FTO: variants seen among roughly 807,000 people sequenced by gnomAD.
The protein encoded by FTO is FTO alpha-ketoglutarate dependent dioxygenase.
A neutral mutation model predicts 63.9 loss-of-function variants in FTO; 47 were observed. The ratio of observed to expected loss-of-function variants is 0.74; its 90% CI spans 0.58 to 0.94. The LOEUF (loss-of-function observed/expected upper bound fraction) is 0.94. Among genes scored for constraint, FTO ranks in the 40% least tolerant of loss-of-function variants. The pLI, the probability that FTO is intolerant of heterozygous loss-of-function variation, is 0.00. For missense variants in FTO, 562 were observed against 618.1 expected (o/e 0.91, Z 0.96); for synonymous variants, 207 against 224.4 (o/e 0.92, Z 0.69).
intron 1 of FTO, among the ~76,000 whole-genome samples, chr16:53,787,145 A>C (rs1214561278): frequency 6.8e-6 from 1 of 147,982 alleles, no homozygotes; most frequent in African/African-American, 2.5e-5. Flanking sequence ...AAAAAAAAGA[A>C]AAAGAAACAC....
At chr16:54,061,505 A>C (rs1288454724) in intron 8 of FTO, among the ~76,000 whole-genome samples, 5 of 151,358 alleles carry the variant, frequency 3.3e-5, no homozygotes, top group Non-Finnish European at 4.4e-5. Flanking sequence ...TTCCAGTGTC[A>C]GAAATCAGAT....
intron 8 of FTO, among the ~76,000 whole-genome samples, chr16:53,999,084 G>A (rs1469847783): frequency 1.3e-5 from 2 of 152,198 alleles, no homozygotes; most frequent in Non-Finnish European, 2.9e-5. Flanking sequence ...AGGTCTGACA[G>A]CATGAATTAG....
intron 8 of FTO, among the ~76,000 whole-genome samples, chr16:53,982,094 AAC>A (rs2083559920): frequency 6.6e-6 from 1 of 151,972 alleles, no homozygotes; most frequent in South Asian, 2.1e-4. Context: ...AAAAACAAAA[AAC>A]AAGACATTCT....
chr16:53,914,206 A>G (rs2081798158), intron 7 of FTO, among the ~76,000 whole-genome samples: 1 of 152,000 alleles, frequency 6.6e-6, no homozygotes, highest in African/African-American at 2.4e-5. Context: ...TGTTTCTTTT[A>G]AAACCATCTC....
intron 1 of FTO, among the ~76,000 whole-genome samples, chr16:53,768,042 C>T (rs2077252366): frequency 6.6e-6 from 1 of 152,192 alleles, no homozygotes; most frequent in South Asian, 2.1e-4. Flanking sequence ...CTGCTTTAGC[C>T]TGTTGTTAAC....
At chr16:53,805,443 G>GTT (rs10552956) in intron 1 of FTO, among the ~76,000 whole-genome samples, 8 of 109,644 alleles carry the variant, frequency 7.3e-5, no homozygotes, top group Admixed American at 3.6e-4. Flanking sequence ...TTGAGTTGTG[G>GTT]TTTTTTTTTT....
At chr16:54,105,801 GTGTGTGTGTGTGTA>G (rs1175571831) in intron 8 of FTO, among the ~76,000 whole-genome samples, 11 of 146,506 alleles carry the variant, frequency 7.5e-5, no homozygotes, top group Non-Finnish European at 1.4e-4. Flanking sequence ...GTGTGTGTGT[GTGTGTGTGTGTGTA>G]TGTTACATTT....
At position 53,722,823 on chromosome 16, in the gene FTO, A is replaced by G. The variant is rs536605317; in HGVS notation, c.45+18594A>G. ...AGCCTGGATGACAGGGTGAGACGCC[A>G]CCTCAAAAAAAAAAAAAAATGTTTT... is the stretch of plus-strand genomic sequence containing the variant. On this transcript the variant is annotated intron_variant, in intron 1 of 8. Coordinates refer to ENST00000471389, the MANE Select transcript of FTO (RefSeq NM_001080432.3). Among the ~76,000 whole-genome samples, 243 of 71,670 alleles carry G rather than the reference A, an allele frequency of 3.4e-3. 2 individuals are homozygous for G. The highest frequency in any genetic ancestry group is 0.018 in the African/African-American group (238 of 13,172). The allele number at this position is 71,670 out of a possible 152,430, so 47.0% of individuals were successfully genotyped here.
intron 8 of FTO, among the ~76,000 whole-genome samples, chr16:54,093,752 G>T (rs1042668660): frequency 7.9e-5 from 12 of 152,266 alleles, no homozygotes; most frequent in South Asian, 6.2e-4. Flanking sequence ...GGGCCTAAGG[G>T]TGTCTTTTCT....
intron 8 of FTO, among the ~76,000 whole-genome samples, chr16:53,963,902 G>A (rs887399584): frequency 1.4e-4 from 22 of 152,118 alleles, no homozygotes; most frequent in Non-Finnish European, 2.5e-4. Flanking sequence ...ACAGGCACCC[G>A]CCACAATGCC....
At chr16:53,985,702 G>A (rs74022316) in intron 8 of FTO, among the ~76,000 whole-genome samples, 1,552 of 152,230 alleles carry the variant, frequency 0.01, 42 homozygotes, top group African/African-American at 0.035. Context: ...TTTCAAATCC[G>A]CTGTCAGTTC....
intron 4 of FTO, among the ~76,000 whole-genome samples, chr16:53,854,545 G>T (rs1277683260): frequency 6.6e-6 from 1 of 152,018 alleles, no homozygotes; most frequent in African/African-American, 2.4e-5. Context: ...GTTTTGAATA[G>T]GGTGTCCCTT....
chr16:54,052,004 C>T (rs2085323908), intron 8 of FTO, among the ~76,000 whole-genome samples: 1 of 152,214 alleles, frequency 6.6e-6, no homozygotes, highest in Non-Finnish European at 1.5e-5. Context: ...CAAAACAGAA[C>T]ACTCTCTAGA....
At chr16:53,908,446 G>A (rs998018298) in intron 7 of FTO, among the ~76,000 whole-genome samples, 3 of 152,136 alleles carry the variant, frequency 2.0e-5, no homozygotes, top group Admixed American at 6.5e-5. Flanking sequence ...GACCTCAGAT[G>A]TTAAGAAAGG....
rs77643522 is a variant in FTO at position 53,958,614 on chromosome 16, C to T, written c.1364+24505C>T. The stretch of plus-strand genomic sequence containing the variant: ...GATTTTGAAATCCAAAGTTACCAGG[C>T]TTAGGGGGTGTGACCTTGAGTGGAA... On this transcript the variant is annotated intron_variant, in intron 8 of 8. Transcript: ENST00000471389. Among the ~76,000 whole-genome samples, 825 of 152,274 alleles carry T rather than the reference C, an allele frequency of 5.4e-3. 11 individuals are homozygous for T. Among genetic ancestry groups the T allele is most frequent in the African/African-American group, 0.017 (704 of 41,558 alleles).
chr16:53,762,690 G>A (rs570531834), intron 1 of FTO, among the ~76,000 whole-genome samples: 2 of 151,948 alleles, frequency 1.3e-5, no homozygotes, highest in Non-Finnish European at 2.9e-5. Flanking sequence ...GAGAAAGAAA[G>A]GAAGAAAGGA....
intron 8 of FTO, among the ~76,000 whole-genome samples, chr16:54,062,348 G>C (rs147001496): frequency 6.6e-6 from 1 of 152,280 alleles, no homozygotes; most frequent in East Asian, 1.9e-4. Flanking sequence ...CTTCTGAACT[G>C]GGTATTGTAG....
intron 8 of FTO, chr16:53,991,378 A>T (rs1203079319): frequency 1.3e-5 from 2 of 152,136 alleles, no homozygotes; most frequent in Non-Finnish European, 2.9e-5. Context: ...TTTCATGTTG[A>T]TGAGGTAAAT....
chr16:54,081,389 A>G (rs1308408956), intron 8 of FTO, among the ~76,000 whole-genome samples: 1 of 152,178 alleles, frequency 6.6e-6, no homozygotes, highest in Non-Finnish European at 1.5e-5. Flanking sequence ...GTGATTAGCT[A>G]AACTAGCCAT....
Sources: gnomAD v4.1 joint callset for allele counts (sites outside exome capture counted in the v4.1 genomes callset) on GRCh38, gnomAD v4.1.1 for gene constraint, MANE v1.5 for transcripts, NCBI Gene and HGNC (gene_info 2026-07-23, HGNC 2026-07-21) for gene names.